GLB1L3: variants seen among roughly 807,000 people sequenced by gnomAD.
GLB1L3 encodes beta-galactosidase-1-like protein 3.
A neutral mutation model predicts 89.5 loss-of-function variants in GLB1L3; 89 were observed. The observed-to-expected ratio is 0.99, with a 90% CI of 0.84 to 1.19. GLB1L3 has a LOEUF of 1.19. GLB1L3 is among the 50% of genes most tolerant of loss of function. GLB1L3 has a pLI of 0.00. For missense variants in GLB1L3, 812 were observed against 813.3 expected (o/e 1.00, Z 0.02); for synonymous variants, 314 against 312.3 (o/e 1.01, Z -0.06).
Position 134,318,702 on chromosome 11 carries a change from A to G in GLB1L3, c.1851A>G (p.Lys617=), listed in dbSNP as rs776457265. The G allele has an allele frequency of 5.0e-6, 8 of 1,613,052 alleles. No individual in the cohort carries two copies. In the South Asian group the frequency reaches 8.8e-5, roughly 18 times the overall value. Residue 617 remains lysine, a synonymous_variant, in exon 19 of 20, where the codon AAA becomes AAG. Coordinates refer to ENST00000431683, the MANE Select transcript of GLB1L3 (RefSeq NM_001080407.3). ...LGRYWNIGPQ[K]TLYLPGVWLH... ...GATATTGGAATATTGGGCCTCAGAA[A>G]ACACTGTACCTTCCTGGAGTTTGGC...
chr11:134,312,755 G>C, intron 14 of GLB1L3, 61 bp from the exon 15 acceptor site: 1 of 1,390,388 alleles, frequency 7.2e-7, no homozygotes, highest in Non-Finnish European at 1.0e-6. Flanking sequence ...CGAAACCGCG[G>C]CCTCTCTTCT....
In GLB1L3 at chr11:134,314,024, G is replaced by A. The variant is rs1160797285; in HGVS notation, c.1663G>A (p.Glu555Lys). ...CCTGGAGATGAAAATGAGCTTCTTT[G>A]AGAGGTATGCTCCAGCTGGCCCCCA... ...YSLEMKMSFF[E>K]RLRSATWKPV... Residue 555 changes from glutamate (E) to lysine (K), a missense_variant, in exon 17 of 20, where the codon GAG becomes AAG. This residue lies in a region of GLB1L3 where 618 missense variants were observed against 604.0 expected (regional missense o/e 1.02). Transcript: ENST00000431683. The A allele has an allele frequency of 1.6e-5, 26 of 1,605,734 alleles. No homozygotes were observed. The highest frequency in any genetic ancestry group is 2.1e-5 in the Non-Finnish European group (25 of 1,173,188).
chr11:134,286,908 T>C lies in GLB1L3; in HGVS notation c.637-1890T>C, dbSNP rs551759404. ...GGGAGCTGTGGCTCACACCTGTAAT[T>C]CCAGCACTTTGGGAGGCCGAGGTGG... On this transcript the variant is annotated intron_variant, in intron 6 of 19. Coordinates refer to ENST00000431683, the MANE Select transcript of GLB1L3 (RefSeq NM_001080407.3). Among the ~76,000 whole-genome samples the C allele has an allele frequency of 1.3e-3, 199 of 148,676 alleles. 1 individual carries two copies. Among genetic ancestry groups the C allele is most frequent in the African/African-American group, 4.4e-3 (178 of 40,426 alleles).
rs1341423861 is a variant in GLB1L3 at position 134,288,812 on chromosome 11, C to G, written c.651C>G (p.Gly217=). The G allele has an allele frequency of 1.2e-6, 2 of 1,613,064 alleles. No homozygotes were observed. Among genetic ancestry groups the G allele is most frequent in the East Asian group, 4.5e-5 (2 of 44,848 alleles). The part of the protein sequence containing the change: ...RVIPLQYRQA[G]PVIAVQVENE... ...TTGTTTCTCAGTACCGCCAGGCAGG[C>G]CCTGTCATCGCGGTGCAAGTGGAGA... Residue 217 remains glycine, a synonymous_variant, in exon 7 of 20, where the codon GGC becomes GGG. Coordinates refer to ENST00000431683, the MANE Select transcript of GLB1L3 (RefSeq NM_001080407.3).
intron 19 of GLB1L3, 45 bp downstream of exon 19, chr11:134,318,792 A>G: frequency 6.5e-7 from 1 of 1,549,066 alleles, no homozygotes; most frequent in South Asian, 1.1e-5. Flanking sequence ...AAACTTTCAG[A>G]TCAAAATGTG....
At position 134,293,183 on chromosome 11, in the gene GLB1L3, A is replaced by G. The variant is rs773801760; in HGVS notation, c.850A>G (p.Thr284Ala). 1.1e-5 allele frequency: 18 copies of G among 1,613,810 alleles called. No individual in the cohort carries two copies. The highest frequency in any genetic ancestry group is 8.8e-5 in the South Asian group (8 of 91,050). ...AINLQKLHQDTFNQLHKVQRD... is the reference protein window; with the variant it reads ...AINLQKLHQDAFNQLHKVQRD... The stretch of plus-strand genomic sequence containing the variant: ...CAATTTGCAAAAACTTCACCAGGAT[A>G]CTTTCAATCAGCTTCATAAAGTCCA... Residue 284 changes from threonine (T) to alanine (A), a missense_variant, in exon 9 of 20, where the codon ACT becomes GCT. Physicochemically the swap from Thr to Ala is moderately conservative, Grantham distance 58 (BLOSUM62 0). Coordinates refer to ENST00000431683, the MANE Select transcript of GLB1L3 (RefSeq NM_001080407.3).
At chr11:134,296,865 A>T (rs1000073626) in intron 9 of GLB1L3, among the ~76,000 whole-genome samples, 24,925 of 72,710 alleles carry the variant, frequency 0.34, 2,249 homozygotes, top group South Asian at 0.46. Context: ...ATAATAATAA[A>T]AACAAACAAA....
intron 9 of GLB1L3, among the ~76,000 whole-genome samples, chr11:134,300,419 A>C (rs1381007176): frequency 4.9e-5 from 7 of 144,164 alleles, no homozygotes; most frequent in East Asian, 2.0e-4. Flanking sequence ...TGCAAGCTCC[A>C]CCTCCTGGGT....
chr11:134,281,234 A>T, intron 3 of GLB1L3, 143 bp from the exon 4 acceptor site: 2 of 917,242 alleles, frequency 2.2e-6, no homozygotes, highest in South Asian at 1.4e-5. Context: ...GGTTAGTGTA[A>T]CAGAGGTTTA....
chr11:134,284,465 T>C (rs1940874663), intron 6 of GLB1L3, among the ~76,000 whole-genome samples: 1 of 152,174 alleles, frequency 6.6e-6, no homozygotes, highest in African/African-American at 2.4e-5. Context: ...TGGTGACTCA[T>C]GCCTATAATC....
At chr11:134,292,306 G>A (rs1386928544) in intron 8 of GLB1L3, 93 bp downstream of exon 8, 5 of 814,100 alleles carry the variant, frequency 6.1e-6, no homozygotes, top group Non-Finnish European at 8.2e-6. Context: ...AGTGCATCTC[G>A]ATACCTCCCT....
At chr11:134,287,442 A>G (rs1052729421) in intron 6 of GLB1L3, 3 of 152,230 alleles carry the variant, frequency 2.0e-5, no homozygotes, top group Non-Finnish European at 2.9e-5. Flanking sequence ...TGTTTTAATT[A>G]TTATGTAAAA....
At position 134,313,469 on chromosome 11, in the gene GLB1L3, A is replaced by G. The variant is rs747931416; in HGVS notation, c.1574A>G (p.Gln525Arg). ...VNFSWQIQNEQKGITGSVSIN... is the reference protein window; with the variant it reads ...VNFSWQIQNERKGITGSVSIN... ...TTTTCATGGCAAATACAGAATGAGC[A>G]GAAAGGTGGGCTCTGGCTGTGGCTT... Residue 525 changes from glutamine (Q) to arginine (R), a missense_variant, in exon 16 of 20, where the codon CAG becomes CGG. Gln to Arg is a conservative substitution (Grantham distance 43). This residue lies in a region of GLB1L3 where 618 missense variants were observed against 604.0 expected (regional missense o/e 1.02). Coordinates refer to ENST00000431683, the MANE Select transcript of GLB1L3 (RefSeq NM_001080407.3). The G allele has an allele frequency of 1.6e-5, 25 of 1,575,220 alleles. 1 individual carries two copies. In the South Asian group the frequency reaches 2.8e-4, roughly 18 times the overall value.
chr11:134,284,054 G>C (rs1465350518), intron 6 of GLB1L3, among the ~76,000 whole-genome samples: 1 of 152,176 alleles, frequency 6.6e-6, no homozygotes, highest in Non-Finnish European at 1.5e-5. Context: ...AGGGTTGCTA[G>C]AAAGACTCAT....
intron 9 of GLB1L3, among the ~76,000 whole-genome samples, chr11:134,295,085 T>G (rs368998905): frequency 1.1e-4 from 16 of 152,364 alleles, no homozygotes; most frequent in African/African-American, 3.8e-4. Flanking sequence ...TTTTCTTTTC[T>G]TAAACGGTAT....
intron 13 of GLB1L3, 121 bp from the exon 14 acceptor site, chr11:134,312,225 TTCA>T: frequency 9.3e-7 from 1 of 1,080,442 alleles, no homozygotes; most frequent in Non-Finnish European, 1.3e-6. Context: ...TGGCATCTGT[TTCA>T]TCATTTCCCA....
At chr11:134,277,176 TG>T in intron 1 of GLB1L3, 149 bp from the exon 2 acceptor site, 3 of 941,150 alleles carry the variant, frequency 3.2e-6, no homozygotes, top group Non-Finnish European at 3.4e-6. Flanking sequence ...CGCGCTGTCC[TG>T]GCCCTGGGCC....
chr11:134,322,200 A>G (rs1943176727), downstream of GLB1L3, among the ~76,000 whole-genome samples: 1 of 152,214 alleles, frequency 6.6e-6, no homozygotes, highest in African/African-American at 2.4e-5. Context: ...TAAAGACAGA[A>G]GGTGTTACTA....
At chr11:134,281,195 T>C (rs978997754) in intron 3 of GLB1L3, among the ~76,000 whole-genome samples, 182 bp from the exon 4 acceptor site, 1 of 152,186 alleles carries the variant, frequency 6.6e-6, no homozygotes, top group African/African-American at 2.4e-5. Flanking sequence ...AATTGGATAA[T>C]AGAGCAAGGA....
Sources: gnomAD v4.1 joint callset for allele counts (sites outside exome capture counted in the v4.1 genomes callset) on GRCh38, gnomAD v4.1.1 for gene constraint, gnomAD v4.1.1 regional missense constraint, MANE v1.5 for transcripts, NCBI Gene and HGNC (gene_info 2026-07-23, HGNC 2026-07-21) for gene names.